Variants in MAST3 observed in about 807,000 individuals in gnomAD.
MAST3 encodes the protein microtubule associated serine/threonine kinase 3.
A neutral mutation model predicts 127.0 loss-of-function variants in MAST3; 43 were observed. The ratio of observed to expected loss-of-function variants is 0.34; its 90% confidence interval spans 0.27 to 0.44. The LOEUF (loss-of-function observed/expected upper bound fraction) is 0.44, where lower values mean the gene tolerates loss of function less well. Ranked by LOEUF, MAST3 falls within the 20% of genes least tolerant of loss-of-function variation. MAST3 has a pLI of 1.00. For missense variants in MAST3, 1,390 were observed against 1,919.1 expected (o/e 0.72, Z 5.15); for synonymous variants, 785 against 809.2 (o/e 0.97, Z 0.51).
chr19:18,121,336 G>C (rs1185791709), intron 3 of MAST3, among the ~76,000 whole-genome samples: 1 of 151,872 alleles, frequency 6.6e-6, no homozygotes, highest in East Asian at 1.9e-4. Flanking sequence ...TTTAAATTTT[G>C]TATAGAGACG....
At chr19:18,122,257 G>A (rs1385292032) in intron 5 of MAST3, 2 of 421,758 alleles carry the variant, frequency 4.7e-6, no homozygotes, top group Non-Finnish European at 6.4e-6. Context: ...TGTGCCAGAC[G>A]CTTGCATTTC....
chr19:18,147,106 T>G (rs2043106838), intron 26 of MAST3, 62 bp downstream of exon 26: 1 of 1,144,978 alleles, frequency 8.7e-7, no homozygotes. Flanking sequence ...TTCCTTTTTT[T>G]TTTTTTTTTT....
At chr19:18,137,125 T>G in intron 18 of MAST3, 114 bp from the exon 19 acceptor site, 1 of 1,362,078 alleles carries the variant, frequency 7.3e-7, no homozygotes, top group Non-Finnish European at 9.9e-7. Context: ...CCCGGCCCAT[T>G]TTTCTGGTTC....
chr19:18,144,516 GC>G lies in MAST3; in HGVS notation c.2638del (p.Arg880AspfsTer67). 1 of 1,607,324 alleles carries G rather than the reference GC, an allele frequency of 6.2e-7. No homozygotes were observed. On this transcript the variant is annotated frameshift_variant, in exon 23 of 28. Transcript: ENST00000687212. LOFTEE classifies it high-confidence loss of function. The surrounding 1 kb of genome is among the most constrained non-coding windows in gnomAD (Gnocchi z 4.0). The stretch of plus-strand genomic sequence containing the variant: ...CCGCCTACGGAGCAATAGCATCGGC[GC>G]CCGACACTCCACACCAAGGCCTCTG... ...HARLRSNSIG[A>X]RHSTPRPLDA...
At chr19:18,130,869 G>A (rs1194745325) in intron 14 of MAST3, among the ~76,000 whole-genome samples, 167 bp downstream of exon 14, 2 of 152,196 alleles carry the variant, frequency 1.3e-5, no homozygotes, top group Admixed American at 1.3e-4. Context: ...CCCAGCCATG[G>A]GGGTTTAGGG....
intron 1 of MAST3, among the ~76,000 whole-genome samples, chr19:18,101,439 A>G (rs1343459032): frequency 6.9e-6 from 1 of 145,778 alleles, no homozygotes; most frequent in Non-Finnish European, 1.5e-5. Context: ...CTTCTCTCCC[A>G]TTTAATTCCA....
Position 18,124,893 on chromosome 19 carries a change from G to A in MAST3, c.1078+119G>A, listed in dbSNP as rs184559739. 3.1e-4 allele frequency: 404 copies of A among 1,316,796 alleles called. 1 individual carries two copies. In the East Asian group the frequency reaches 7.3e-3, roughly 24 times the overall value. The allele number at this position is 1,316,796 out of a possible 1,614,324, so 81.6% of individuals were successfully genotyped here. Reference sequence around the variant, plus strand: ...AGCTAAGGCGGGCAGATCACTTGAGGCCAGGAGTTCGAGACCAGCCTGGCC... The same window carrying A: ...AGCTAAGGCGGGCAGATCACTTGAGACCAGGAGTTCGAGACCAGCCTGGCC... On this transcript the variant is annotated intron_variant, in intron 11 of 27. Transcript: ENST00000687212.
At chr19:18,133,846 G>A (rs868860895) in intron 15 of MAST3, among the ~76,000 whole-genome samples, 1 of 152,038 alleles carries the variant, frequency 6.6e-6, no homozygotes, top group Non-Finnish European at 1.5e-5. Context: ...GAGCCACTGC[G>A]CCCGGCAAAT....
Position 18,149,705 on chromosome 19 carries a change from C to T in MAST3, c.4023C>T (p.Leu1341=), listed in dbSNP as rs752550205. Residue 1341 remains leucine (L), a synonymous_variant, in exon 28 of 28, where the codon CTC becomes CTT. Coordinates refer to ENST00000687212, the MANE Select transcript of MAST3 (RefSeq NM_001393504.1). The surrounding 1 kb of genome is among the most constrained non-coding windows in gnomAD (Gnocchi z 5.9). ...VEGEEAVPVA[L]GPTGRD is the part of the protein sequence containing the mutation. The stretch of plus-strand genomic sequence containing the variant: ...GCGAGGAAGCCGTGCCAGTAGCTCT[C>T]GGGCCCACCGGAAGAGACTGATCCC... The T allele has an allele frequency of 1.4e-5, 23 of 1,612,654 alleles. No homozygotes were observed. The highest frequency in any genetic ancestry group is 2.2e-5 in the South Asian group (2 of 91,020).
chr19:18,097,980 C>T (rs2037130634), intron 1 of MAST3, 149 bp downstream of exon 1: 1 of 594,608 alleles, frequency 1.7e-6, no homozygotes, highest in Non-Finnish European at 2.4e-6. Context: ...TTTTGACCAC[C>T]CGCTTCTCAA....
chr19:18,122,137 A>G (rs2040056261), intron 5 of MAST3: 1 of 982,264 alleles, frequency 1.0e-6, no homozygotes, highest in South Asian at 4.7e-5. Context: ...GGTAATTTCA[A>G]CCAGCCCAGG....
chr19:18,149,381 C>G lies in MAST3; in HGVS notation c.3699C>G (p.Ser1233=). 1.3e-6 allele frequency: 2 copies of G among 1,483,382 alleles called. No homozygotes were observed. The highest frequency in any genetic ancestry group is 1.8e-6 in the Non-Finnish European group (2 of 1,120,818). 91.9% of individuals were successfully genotyped at this position (1,483,382 alleles called of 1,614,324 possible). ...PPSPLACPPI[S]APPPRSPSPL... ...CCCCGCTGGCCTGCCCGCCCATCTC[C>G]GCGCCCCCACCCCGCTCGCCCTCGC... Residue 1233 remains serine, a synonymous_variant, in exon 28 of 28, where the codon TCC becomes TCG. Coordinates refer to ENST00000687212, the MANE Select transcript of MAST3 (RefSeq NM_001393504.1). The surrounding 1 kb of genome is among the most constrained non-coding windows in gnomAD (Gnocchi z 5.9).
chr19:18,114,967 T>C (rs1192862044), intron 3 of MAST3, among the ~76,000 whole-genome samples: 4 of 152,118 alleles, frequency 2.6e-5, no homozygotes, highest in African/African-American at 9.7e-5. Flanking sequence ...GGTGTCTGTA[T>C]ATCTACCTGA....
Position 18,110,039 on chromosome 19 carries a change from C to T in MAST3, c.72-613C>T, listed in dbSNP as rs888384143. On this transcript the variant is annotated intron_variant, in intron 2 of 27. Coordinates refer to ENST00000687212, the MANE Select transcript of MAST3 (RefSeq NM_001393504.1). The surrounding 1 kb of genome is among the most constrained non-coding windows in gnomAD (Gnocchi z 4.3). ...CAAGCCGGCGGCCTCGGCGTCCCTG[C>T]GGCAGACAGGGCGGCACCCGCGGCT... The T allele has an allele frequency of 1.0e-6, 1 of 985,352 alleles. No homozygotes were observed. The highest frequency in any genetic ancestry group is 1.2e-6 in the Non-Finnish European group (1 of 829,906). 61.0% of individuals were successfully genotyped at this position (985,352 alleles called of 1,614,324 possible).
At chr19:18,122,194 C>A in intron 5 of MAST3, 1 of 900,260 alleles carries the variant, frequency 1.1e-6, no homozygotes, top group Non-Finnish European at 1.3e-6. Flanking sequence ...CATTAACTCA[C>A]TAAAGAAATC....
chr19:18,125,913 C>G (rs2040560624), intron 11 of MAST3, among the ~76,000 whole-genome samples: 1 of 150,878 alleles, frequency 6.6e-6, no homozygotes, highest in Non-Finnish European at 1.5e-5. Flanking sequence ...CAAATATTAG[C>G]CGGGTGTGGT....
chr19:18,142,003 G>A lies in MAST3; in HGVS notation c.2327G>A (p.Ser776Asn). The stretch of plus-strand genomic sequence containing the variant: ...GAAGTGGACTATGGCCGCCGGCTGA[G>A]TGCTGACATCCGGTAAGTGGCCTGG... ...RSEVDYGRRL[S>N]ADIRLRSWTS... The change falls in exon 21 of 28, where the codon AGT (serine) becomes AAT (asparagine). Residue 776 changes from serine to asparagine, a missense_variant. This residue lies in a region of MAST3 where 816 missense variants were observed against 934.1 expected (regional missense o/e 0.87). Transcript: ENST00000687212. 6.7e-7 allele frequency: 1 copy of A among 1,502,006 alleles called. No individual in the cohort carries two copies. Among genetic ancestry groups the A allele is most frequent in the Non-Finnish European group, 9.0e-7 (1 of 1,114,622 alleles). 93.0% of individuals were successfully genotyped at this position (1,502,006 alleles called of 1,614,324 possible).
At chr19:18,123,187 A>G in intron 6 of MAST3, 30 bp from the exon 7 acceptor site, 1 of 1,612,156 alleles carries the variant, frequency 6.2e-7, no homozygotes, top group Non-Finnish European at 8.5e-7. Flanking sequence ...CGGTGAACTC[A>G]TGGCTCTGAT....
At chr19:18,134,072 C>T (rs538243785) in intron 15 of MAST3, among the ~76,000 whole-genome samples, 61 of 152,150 alleles carry the variant, frequency 4.0e-4, no homozygotes, top group African/African-American at 1.4e-3. Flanking sequence ...ACTATGTAGT[C>T]AGTACCTCCT....
Sources: gnomAD v4.1 joint callset for allele counts (sites outside exome capture counted in the v4.1 genomes callset) on GRCh38, gnomAD v4.1.1 for gene constraint, gnomAD v4.1.1 regional missense constraint, Gnocchi (gnomAD v3.1) non-coding constraint, MANE v1.5 for transcripts, NCBI Gene and HGNC (gene_info 2026-07-23, HGNC 2026-07-21) for gene names.